Variants in FANCA observed in about 807,000 individuals in gnomAD.
FANCA encodes the protein Fanconi anemia group A protein.
FANCA carries 236 observed loss-of-function variants against 194.3 expected under a neutral mutation model. That is an observed-to-expected ratio of 1.21 (90% confidence interval 1.09 to 1.35). The LOEUF is 1.35. FANCA is among the 40% of genes most tolerant of loss of function. The pLI, the probability that FANCA is intolerant of heterozygous loss-of-function variation, is 0.00. For synonymous variants in FANCA, 1,014 were observed against 715.8 expected, an observed-to-expected ratio of 1.42 and a Z score of -6.65; for missense variants, 2,628 against 1,813.9, an observed-to-expected ratio of 1.45 and a Z score of -8.15.
At chr16:89,814,733 G>C (rs954547716) in intron 2 of FANCA, 120 bp from the exon 3 acceptor site, 26 of 724,728 alleles carry the variant, frequency 3.6e-5, no homozygotes, top group Non-Finnish European at 6.4e-5. Flanking sequence ...ACGAGGTCAA[G>C]AGTTCGAGAC....
At chr16:89,744,570 A>G (rs1055621493) in intron 36 of FANCA, 8 of 336,614 alleles carry the variant, frequency 2.4e-5, no homozygotes, top group Non-Finnish European at 4.6e-5. Flanking sequence ...TTTAAGAGGA[A>G]GGGGAGCAGG....
chr16:89,812,452 G>A (rs1404818309), intron 3 of FANCA, among the ~76,000 whole-genome samples: 2 of 151,290 alleles, frequency 1.3e-5, no homozygotes, highest in Non-Finnish European at 2.9e-5. Context: ...TTTGAGACCA[G>A]CCTGACCAAC....
chr16:89,798,036 A>G (rs1226156307), intron 10 of FANCA, among the ~76,000 whole-genome samples: 1 of 152,202 alleles, frequency 6.6e-6, no homozygotes, highest in African/African-American at 2.4e-5. Flanking sequence ...CTTGCCACAG[A>G]CTAAACTGTA....
At chr16:89,815,814 G>A (rs1343713925) in intron 2 of FANCA, 63 bp downstream of exon 2, 4 of 1,267,240 alleles carry the variant, frequency 3.2e-6, no homozygotes, top group Non-Finnish European at 4.6e-6. Context: ...AAGCTGTGCG[G>A]TGGCTGGACT....
chr16:89,815,645 G>T (rs935874608), intron 2 of FANCA, among the ~76,000 whole-genome samples: 2 of 151,994 alleles, frequency 1.3e-5, no homozygotes, highest in Admixed American at 6.6e-5. Flanking sequence ...CCTGAGCCAC[G>T]GCGCCCGGCC....
chr16:89,773,181 G>A, intron 22 of FANCA, 90 bp downstream of exon 22: 2 of 1,003,812 alleles, frequency 2.0e-6, no homozygotes, highest in Non-Finnish European at 3.0e-6. Flanking sequence ...ACACCAGCCT[G>A]ATGTCACTAT....
At chr16:89,776,846 G>GA (rs1010947198) in intron 20 of FANCA, among the ~76,000 whole-genome samples, 48 of 150,294 alleles carry the variant, frequency 3.2e-4, no homozygotes, top group East Asian at 3.9e-4. Context: ...ATAAATTAAA[G>GA]AAAAAAAAAT....
At chr16:89,806,399 G>A (rs1386718030) in intron 6 of FANCA, among the ~76,000 whole-genome samples, 3 of 143,612 alleles carry the variant, frequency 2.1e-5, no homozygotes, top group African/African-American at 7.9e-5. Context: ...TCTCGCAGAG[G>A]GGGATTTGGC....
chr16:89,812,671 C>T (rs1002497846), intron 3 of FANCA, among the ~76,000 whole-genome samples: 2 of 95,468 alleles, frequency 2.1e-5, no homozygotes, highest in African/African-American at 6.7e-5. Context: ...AAAAAAAAAA[C>T]TGTTAACTGC....
chr16:89,799,875 T>C (rs926704089), intron 8 of FANCA, among the ~76,000 whole-genome samples: 4 of 152,168 alleles, frequency 2.6e-5, no homozygotes, highest in African/African-American at 9.7e-5. Context: ...CGCCCTGTAG[T>C]CTCAGCTACT....
intron 8 of FANCA, among the ~76,000 whole-genome samples, chr16:89,800,117 C>T (rs892176439): frequency 2.0e-5 from 3 of 152,250 alleles, no homozygotes; most frequent in African/African-American, 4.8e-5. Context: ...TCTGGAATTA[C>T]CCTAAGACTG....
At chr16:89,744,912 C>A in intron 36 of FANCA, 47 bp downstream of exon 36, 1 of 1,557,142 alleles carries the variant, frequency 6.4e-7, no homozygotes, top group African/African-American at 1.4e-5. Flanking sequence ...GAGCAGGTCC[C>A]GAAGTGCATC....
intron 14 of FANCA, among the ~76,000 whole-genome samples, chr16:89,788,464 G>T (rs540018602): frequency 6.6e-6 from 1 of 151,592 alleles, no homozygotes; most frequent in Admixed American, 6.6e-5. Context: ...AACAAAAACA[G>T]ATGTTCAAAC....
At position 89,783,031 on chromosome 16, in the gene FANCA, G is replaced by C. The variant is rs962460972; in HGVS notation, c.1542C>G (p.Ala514=). The change falls in exon 16 of 43, where the codon GCC becomes GCG. Residue 514 remains alanine (A), a synonymous_variant. Coordinates refer to ENST00000389301, the MANE Select transcript of FANCA (RefSeq NM_000135.4). The part of the protein sequence containing the change: ...RSLLTDYISL[A]KTRLADLKVS... The stretch of plus-strand genomic sequence containing the variant: ...CCTTGAGGTCGGCCAGCCGTGTCTT[G>C]GCCAATGAGATGTAGTCTGTGAGGA... 5.0e-6 allele frequency: 8 copies of C among 1,614,094 alleles called. No individual in the cohort carries two copies. Among genetic ancestry groups the C allele is most frequent in the East Asian group, 2.2e-5 (1 of 44,884 alleles).
chr16:89,738,968 G>A lies in FANCA; in HGVS notation c.4174C>T (p.Pro1392Ser). The A allele has an allele frequency of 6.2e-7, 1 of 1,614,248 alleles. No individual in the cohort carries two copies. Residue 1392 changes from proline (P) to serine (S), a missense_variant, in exon 42 of 43, where the codon CCC (proline) becomes TCC (serine). Physicochemically the swap from Pro to Ser is moderately conservative, Grantham distance 74. Transcript: ENST00000389301. ...RSLELKGQGN[P>S]VELITKARLF... ...CGAGCTTTTGTTATCAGTTCCACGG[G>A]GTTGCCCTAGAGAGAAAACAGGCAA...
intron 31 of FANCA, among the ~76,000 whole-genome samples, chr16:89,750,312 G>A (rs375296163): frequency 5.9e-5 from 9 of 151,320 alleles, no homozygotes; most frequent in Admixed American, 2.0e-4. Context: ...AAACCCTGTC[G>A]CTACTAAAAA....
rs1742295184 is a variant in FANCA at position 89,737,586 on chromosome 16, T to C, written c.*1015A>G. 2 of 774,746 alleles carry C rather than the reference T, an allele frequency of 2.6e-6. No homozygotes were observed. Among genetic ancestry groups the C allele is most frequent in the East Asian group, 6.0e-5 (2 of 33,588 alleles). The allele number at this position is 774,746 out of a possible 1,614,324, so 48.0% of individuals were successfully genotyped here. ...CTTTCTGAGGTTTCTTTAAAAACCATCCTGAAATGCACACAGCTGATGAAG... is the reference window on the plus strand; with the variant it reads ...CTTTCTGAGGTTTCTTTAAAAACCACCCTGAAATGCACACAGCTGATGAAG... On this transcript the variant is annotated 3_prime_UTR_variant, in exon 43 of 43. Transcript: ENST00000389301.
rs745466726 is a variant in FANCA, at chr16:89,779,883, G to T, written c.1701C>A (p.Thr567=). The T allele has an allele frequency of 1.1e-5, 18 of 1,613,798 alleles. No homozygotes were observed. In the South Asian group the frequency reaches 2.0e-4, roughly 18 times the overall value. ...VFEHTGNIPV[T]VMEASIFRRP... ...GCCCAGCCTACCTGGCCTCCATGAC[G>T]GTGACTGGGATGTTCCCCGTATGCT... Residue 567 remains threonine, a synonymous_variant, in exon 18 of 43, where the codon ACC becomes ACA. Coordinates refer to ENST00000389301, the MANE Select transcript of FANCA (RefSeq NM_000135.4).
intron 14 of FANCA, among the ~76,000 whole-genome samples, chr16:89,787,576 T>A (rs890766638): frequency 3.9e-5 from 6 of 151,940 alleles, no homozygotes; most frequent in Admixed American, 2.0e-4. Flanking sequence ...CCACAAAAAA[T>A]TTTTTAATAA....
Sources: gnomAD v4.1 joint callset for allele counts (sites outside exome capture counted in the v4.1 genomes callset) on GRCh38, gnomAD v4.1.1 for gene constraint, MANE v1.5 for transcripts, NCBI Gene and HGNC (gene_info 2026-07-23, HGNC 2026-07-21) for gene names.